Variants in AGAP1 observed in about 807,000 individuals in gnomAD.
AGAP1 encodes the protein arf-GAP with GTPase, ANK repeat and PH domain-containing protein 1.
AGAP1 carries 29 observed loss-of-function variants against 105.3 expected under a neutral mutation model. The observed-to-expected ratio is 0.28, with a 90% CI of 0.21 to 0.38. The LOEUF is 0.38. Among genes scored for constraint, AGAP1 ranks in the 10% least tolerant of loss-of-function variants. The probability of loss-of-function intolerance (pLI) is 1.00; values close to 1 mark genes in which losing one functional copy is unlikely to be tolerated. For missense variants in AGAP1, 998 were observed against 1,165.1 expected (o/e 0.86, Z 2.09); for synonymous variants, 509 against 485.9 (o/e 1.05, Z -0.63).
intron 16 of AGAP1, among the ~76,000 whole-genome samples, chr2:236,069,323 C>T (rs2058436519): frequency 6.6e-6 from 1 of 152,014 alleles, no homozygotes; most frequent in South Asian, 2.1e-4. Context: ...TAAAATCTTA[C>T]ATTTCATATA....
intron 1 of AGAP1, among the ~76,000 whole-genome samples, chr2:235,538,160 T>C (rs1043511795): frequency 1.3e-5 from 2 of 152,214 alleles, no homozygotes; most frequent in Non-Finnish European, 2.9e-5. Context: ...AAAATAGGGT[T>C]ATAGGCTTAT....
chr2:236,106,000 G>A lies in AGAP1; in HGVS notation c.2115-14192G>A, dbSNP rs2059480154. Among the ~76,000 whole-genome samples, 1 of 152,182 alleles carries A rather than the reference G, an allele frequency of 6.6e-6. No homozygotes were observed. Among genetic ancestry groups the A allele is most frequent in the Admixed American group, 6.5e-5 (1 of 15,280 alleles). Reference sequence around the variant, plus strand: ...TCCTGTCACCAAACACCATCACACAGGGGGTTAGGGCTTCAGCGACTGACT... The same window carrying A: ...TCCTGTCACCAAACACCATCACACAAGGGGTTAGGGCTTCAGCGACTGACT... On this transcript the variant is annotated intron_variant, in intron 16 of 17. Coordinates refer to ENST00000304032, the MANE Select transcript of AGAP1 (RefSeq NM_001037131.3). The surrounding 1 kb of genome is among the most constrained non-coding windows in gnomAD (Gnocchi z 4.2).
intron 13 of AGAP1, among the ~76,000 whole-genome samples, chr2:236,006,843 A>G (rs901973838): frequency 3.9e-5 from 6 of 152,198 alleles, no homozygotes; most frequent in Admixed American, 2.0e-4. Flanking sequence ...CTTCTGCCAT[A>G]ATGTTAGTCT....
intron 16 of AGAP1, among the ~76,000 whole-genome samples, chr2:236,115,365 T>G (rs2059746278): frequency 6.6e-6 from 1 of 152,054 alleles, no homozygotes; most frequent in Non-Finnish European, 1.5e-5. Flanking sequence ...GTCCAAGAAG[T>G]TATTAGAAAG....
Position 235,566,241 on chromosome 2 carries a change from G to A in AGAP1, c.163+71392G>A, listed in dbSNP as rs1191118369. ...CAAGTAGCTGGGATTACAGGCATGC[G>A]CCACCACGCCTGGCTAATTTTGTAT... On this transcript the variant is annotated intron_variant, in intron 1 of 17. Coordinates refer to ENST00000304032, the MANE Select transcript of AGAP1 (RefSeq NM_001037131.3). The surrounding 1 kb of genome is among the most constrained non-coding windows in gnomAD (Gnocchi z 5.2). Among the ~76,000 whole-genome samples, 1 of 152,034 alleles carries A rather than the reference G, an allele frequency of 6.6e-6. No individual in the cohort carries two copies. Among genetic ancestry groups the A allele is most frequent in the Non-Finnish European group, 1.5e-5 (1 of 68,004 alleles).
At chr2:235,567,834 A>G (rs1477320657) in intron 1 of AGAP1, among the ~76,000 whole-genome samples, 10 of 151,986 alleles carry the variant, frequency 6.6e-5, no homozygotes, top group African/African-American at 2.4e-4. Flanking sequence ...GGAGAGAGGA[A>G]AGGACAAAGA....
rs1354511659 is a variant in AGAP1, at chr2:236,056,244, A to G, written c.2114+6963A>G. On this transcript the variant is annotated intron_variant, in intron 16 of 17. Coordinates refer to ENST00000304032, the MANE Select transcript of AGAP1 (RefSeq NM_001037131.3). The surrounding 1 kb of genome is among the most constrained non-coding windows in gnomAD (Gnocchi z 4.6). ...GACAGAATGGTGCTCTCGGTTTATC[A>G]TGCCGCCTGCCACACAGGAACCCCA... Among the ~76,000 whole-genome samples, 3 of 152,240 alleles carry G rather than the reference A, an allele frequency of 2.0e-5. No homozygotes were observed. Among genetic ancestry groups the G allele is most frequent in the Admixed American group, 6.5e-5 (1 of 15,286 alleles).
chr2:235,716,077 C>A lies in AGAP1; in HGVS notation c.223-1480C>A, dbSNP rs1951089705. The stretch of plus-strand genomic sequence containing the variant: ...GGAATAGGCAGCTTTTTTTTCCCCC[C>A]ACATCCAACCTTCTATCAATGAGTT... On this transcript the variant is annotated intron_variant, in intron 2 of 17. Coordinates refer to ENST00000304032, the MANE Select transcript of AGAP1 (RefSeq NM_001037131.3). This position sits in a 1 kb window ranked among gnomAD's most constrained non-coding sequence, Gnocchi z 4.0. Among the ~76,000 whole-genome samples the A allele has an allele frequency of 6.6e-6, 1 of 152,156 alleles. No homozygotes were observed. Among genetic ancestry groups the A allele is most frequent in the Non-Finnish European group, 1.5e-5 (1 of 68,032 alleles).
chr2:235,855,529 T>C lies in AGAP1; in HGVS notation c.1051-27816T>C, dbSNP rs1249065194. ...TTTTGAAGTCATAAAAGTTGAGTTA[T>C]AGTAAATTTAAAATCGAGCAATTTC... On this transcript the variant is annotated intron_variant, in intron 9 of 17. Coordinates refer to ENST00000304032, the MANE Select transcript of AGAP1 (RefSeq NM_001037131.3). This position sits in a 1 kb window ranked among gnomAD's most constrained non-coding sequence, Gnocchi z 5.0. Among the ~76,000 whole-genome samples, 1 of 152,260 alleles carries C rather than the reference T, an allele frequency of 6.6e-6. No homozygotes were observed. The highest frequency in any genetic ancestry group is 1.5e-5 in the Non-Finnish European group (1 of 68,038).
chr2:235,573,266 G>T (rs1003490783), intron 1 of AGAP1, among the ~76,000 whole-genome samples: 7 of 151,694 alleles, frequency 4.6e-5, no homozygotes. Context: ...TTACTTCTTT[G>T]TAGAGACAGG....
intron 9 of AGAP1, among the ~76,000 whole-genome samples, chr2:235,868,671 A>G (rs1264067108): frequency 6.6e-6 from 1 of 152,226 alleles, no homozygotes; most frequent in East Asian, 1.9e-4. Flanking sequence ...TTGGTAAATA[A>G]TTGCTATCGA....
At position 235,692,350 on chromosome 2, in the gene AGAP1, G is replaced by A. The variant is rs894979631; in HGVS notation, c.164-16829G>A. Among the ~76,000 whole-genome samples the A allele has an allele frequency of 1.3e-5, 2 of 152,170 alleles. No individual in the cohort carries two copies. Among genetic ancestry groups the A allele is most frequent in the Admixed American group, 1.3e-4 (2 of 15,294 alleles). On this transcript the variant is annotated intron_variant, in intron 1 of 17. Coordinates refer to ENST00000304032, the MANE Select transcript of AGAP1 (RefSeq NM_001037131.3). The surrounding 1 kb of genome is among the most constrained non-coding windows in gnomAD (Gnocchi z 5.8). ...ACCTTGCCTTCTCCAGCACTGGGCC[G>A]TCCACTTTGCTCCTTTGTGCCTGCA...
rs1391641085 is a variant in AGAP1, at chr2:235,719,731, C to A, written c.310+2087C>A. Among the ~76,000 whole-genome samples the A allele has an allele frequency of 6.6e-6, 1 of 152,194 alleles. No individual in the cohort carries two copies. The highest frequency in any genetic ancestry group is 1.5e-5 in the Non-Finnish European group (1 of 68,036). ...AAGATCATGATCCCTGACCTTTTCT[C>A]ATGCCCTGCAGCAGCCCTCCCTGGG... is the stretch of plus-strand genomic sequence containing the variant. On this transcript the variant is annotated intron_variant, in intron 3 of 17. Coordinates refer to ENST00000304032, the MANE Select transcript of AGAP1 (RefSeq NM_001037131.3). This position sits in a 1 kb window ranked among gnomAD's most constrained non-coding sequence, Gnocchi z 4.9.
At chr2:235,852,930 C>T (rs895492780) in intron 9 of AGAP1, 29 of 1,304,414 alleles carry the variant, frequency 2.2e-5, no homozygotes, top group South Asian at 1.5e-4. Context: ...CTGACTTCAG[C>T]GCATCTCTGA....
intron 16 of AGAP1, 57 bp downstream of exon 16, chr2:236,049,338 G>A: frequency 2.0e-6 from 3 of 1,517,666 alleles, no homozygotes; most frequent in Non-Finnish European, 2.7e-6. Flanking sequence ...TTAGGCAACT[G>A]GAAGTGATCA....
At chr2:235,892,469 A>T (rs906121750) in intron 10 of AGAP1, among the ~76,000 whole-genome samples, 5 of 152,126 alleles carry the variant, frequency 3.3e-5, no homozygotes, top group Admixed American at 2.0e-4. Flanking sequence ...AGATTTCAGA[A>T]AGTTTCTAGT....
At chr2:235,694,989 TTGGAGAA>T (rs1432664844) in intron 1 of AGAP1, among the ~76,000 whole-genome samples, 1 of 152,180 alleles carries the variant, frequency 6.6e-6, no homozygotes, top group Non-Finnish European at 1.5e-5. Context: ...AGCTCCATAG[TTGGAGAA>T]TGTAAGTATT....
At chr2:235,558,306 G>A (rs1056496070) in intron 1 of AGAP1, among the ~76,000 whole-genome samples, 2 of 152,156 alleles carry the variant, frequency 1.3e-5, no homozygotes, top group African/African-American at 2.4e-5. Context: ...CATCACCTCT[G>A]TTGTCTGTCC....
Position 235,875,487 on chromosome 2 carries a change from C to T in AGAP1, c.1051-7858C>T, listed in dbSNP as rs923548025. Among the ~76,000 whole-genome samples, 2 of 152,190 alleles carry T rather than the reference C, an allele frequency of 1.3e-5. No homozygotes were observed. Among genetic ancestry groups the T allele is most frequent in the East Asian group, 3.9e-4 (2 of 5,186 alleles). ...GTGATGCCCACGAGGCTGTGCGGCT[C>T]AGGGCCAGGTCGGTTTTGAGTCACG... On this transcript the variant is annotated intron_variant, in intron 9 of 17. Transcript: ENST00000304032. The surrounding 1 kb of genome is among the most constrained non-coding windows in gnomAD (Gnocchi z 4.0).
Sources: allele counts gnomAD v4.1 joint callset (sites outside exome capture counted in the v4.1 genomes callset), GRCh38; gene constraint gnomAD v4.1.1; non-coding constraint Gnocchi (gnomAD v3.1); transcripts MANE v1.5; gene names NCBI Gene and HGNC (gene_info 2026-07-23, HGNC 2026-07-21).